Variants in ZNF385C observed in about 807,000 individuals in gnomAD.
The protein encoded by ZNF385C is zinc finger protein 385C.
A neutral mutation model predicts 35.4 loss-of-function variants in ZNF385C; 28 were observed. That is an observed-to-expected ratio of 0.79 (90% CI 0.59 to 1.08). The LOEUF is 1.08. Among genes scored for constraint, ZNF385C ranks in the 50% least tolerant of loss-of-function variants. ZNF385C has a pLI of 0.00. For missense variants in ZNF385C, 605 were observed against 595.6 expected (o/e 1.02, Z -0.16); for synonymous variants, 248 against 248.2 (o/e 1.00, Z 0.01).
At chr17:42,094,015 C>A (rs1202834666) in intron 1 of ZNF385C, among the ~76,000 whole-genome samples, 1 of 145,502 alleles carries the variant, frequency 6.9e-6, no homozygotes, top group Non-Finnish European at 1.5e-5. Flanking sequence ...TGGAGTTTCA[C>A]ATTTGTTGCC....
chr17:42,034,164 G>A (rs958030071), intron 4 of ZNF385C, 61 bp downstream of exon 4: 4 of 1,358,574 alleles, frequency 2.9e-6, no homozygotes, highest in Non-Finnish European at 4.1e-6. Context: ...TGAAAGCCCA[G>A]CCTCCAGCCC....
chr17:42,076,088 C>T (rs1480617541), intron 1 of ZNF385C, among the ~76,000 whole-genome samples: 1 of 152,166 alleles, frequency 6.6e-6, no homozygotes, highest in African/African-American at 2.4e-5. Flanking sequence ...TTCTGCTTAG[C>T]CTATTGAAAT....
At chr17:42,060,249 T>C (rs1443294370) in intron 2 of ZNF385C, among the ~76,000 whole-genome samples, 1 of 152,162 alleles carries the variant, frequency 6.6e-6, no homozygotes, top group Non-Finnish European at 1.5e-5. Flanking sequence ...TCTTGACAGT[T>C]CTGCTAAAGA....
chr17:42,052,869 C>T (rs782622302), intron 2 of ZNF385C, among the ~76,000 whole-genome samples: 1 of 152,224 alleles, frequency 6.6e-6, no homozygotes. Context: ...CCCCCTACCC[C>T]CAAGTCACGG....
chr17:42,038,790 A>G (rs1410214243), intron 2 of ZNF385C: 1 of 152,220 alleles, frequency 6.6e-6, no homozygotes, highest in African/African-American at 2.4e-5. Context: ...GAGGCTGCCT[A>G]TTGGTGAGGA....
rs1254720884 is a variant in ZNF385C, at chr17:42,025,843, C to G, written c.*1054G>C. The G allele has an allele frequency of 6.6e-6, 1 of 152,208 alleles. No homozygotes were observed. Among genetic ancestry groups the G allele is most frequent in the Non-Finnish European group, 1.5e-5 (1 of 68,058 alleles). The allele number at this position is 152,208 out of a possible 1,614,324, so 9.4% of individuals were successfully genotyped here. A position where few individuals can be genotyped will look rare whatever the true frequency, so the allele number is the denominator to read the frequency against. On this transcript the variant is annotated 3_prime_UTR_variant, in exon 9 of 9. Transcript: ENST00000692273. ...GTGCATGTGAGACTGCCTCCCAACA[C>G]TCAGCTTCACAGTGGCAGGGGCTGG...
chr17:42,034,082 C>T (rs1013482736), intron 4 of ZNF385C, 143 bp downstream of exon 4: 8 of 689,940 alleles, frequency 1.2e-5, no homozygotes, highest in Admixed American at 6.6e-5. Context: ...ACCAAGAGTG[C>T]CTCTTCTGCA....
At chr17:42,064,903 A>G (rs1339154912) in intron 1 of ZNF385C, among the ~76,000 whole-genome samples, 1 of 152,156 alleles carries the variant, frequency 6.6e-6, no homozygotes, top group Admixed American at 6.6e-5. Flanking sequence ...GTTGGAGTGC[A>G]GTGGCACAAT....
chr17:42,096,453 C>A (rs978516823), intron 1 of ZNF385C, among the ~76,000 whole-genome samples: 2 of 152,142 alleles, frequency 1.3e-5, no homozygotes, highest in Admixed American at 6.5e-5. Flanking sequence ...CCTTTGAAAG[C>A]CCCCAGCTTA....
Position 42,098,471 on chromosome 17 carries a change from T to C in ZNF385C, c.-64A>G. ...CTCTCGCCTGGCTGGGAACGCTGCG[T>C]GTGGGGCTGGCTGGGAGGGGCGGGG... On this transcript the variant is annotated 5_prime_UTR_variant, in exon 1 of 9. Coordinates refer to ENST00000692273, the MANE Select transcript of ZNF385C (RefSeq NM_001392013.1). 6.9e-6 allele frequency: 1 copy of C among 144,002 alleles called. No individual in the cohort carries two copies. Among genetic ancestry groups the C allele is most frequent in the Non-Finnish European group, 1.5e-5 (1 of 65,558 alleles). The allele number at this position is 144,002 out of a possible 1,614,324, so 8.9% of individuals were successfully genotyped here. A position where few individuals can be genotyped will look rare whatever the true frequency, so the allele number is the denominator to read the frequency against.
At chr17:42,030,868 A>G (rs376643223) in intron 5 of ZNF385C, among the ~76,000 whole-genome samples, 14 of 152,268 alleles carry the variant, frequency 9.2e-5, no homozygotes, top group African/African-American at 3.4e-4. Context: ...TCTATAAGCC[A>G]AGGAGTGCCA....
chr17:42,098,287 T>G (rs1285456091), intron 1 of ZNF385C, 123 bp downstream of exon 1: 1 of 152,284 alleles, frequency 6.6e-6, no homozygotes, highest in Non-Finnish European at 1.5e-5. Context: ...AGGGATATCC[T>G]CACTGTCCCT....
chr17:42,071,689 C>A (rs2053625951), intron 1 of ZNF385C, among the ~76,000 whole-genome samples: 1 of 152,218 alleles, frequency 6.6e-6, no homozygotes, highest in Non-Finnish European at 1.5e-5. Context: ...TGTTCACACT[C>A]AGCAGGCAGA....
rs529297227 is a variant in ZNF385C, at chr17:42,064,488, T to C, written c.-2-1430A>G. Among the ~76,000 whole-genome samples the C allele has an allele frequency of 2.8e-4, 42 of 152,338 alleles. 1 individual carries two copies. The South Asian group carries it at 8.7e-3, about 32-fold the overall frequency. Reference sequence around the variant, plus strand: ...CCCAGTACCTTAGAAAGTAACTCTATTTGGAGATGGGGTCTTCAAAGAGGT... The same window carrying C: ...CCCAGTACCTTAGAAAGTAACTCTACTTGGAGATGGGGTCTTCAAAGAGGT... On this transcript the variant is annotated intron_variant, in intron 1 of 8. Coordinates refer to ENST00000692273, the MANE Select transcript of ZNF385C (RefSeq NM_001392013.1).
chr17:42,027,800 C>CT (rs2052627815), intron 7 of ZNF385C, 72 bp from the exon 8 acceptor site: 6 of 1,469,618 alleles, frequency 4.1e-6, no homozygotes, highest in Non-Finnish European at 4.7e-6. Context: ...ATCCTCGACT[C>CT]TTCCCCTTCC....
intron 5 of ZNF385C, 52 bp from the exon 6 acceptor site, chr17:42,029,125 A>G: frequency 2.0e-6 from 3 of 1,511,756 alleles, no homozygotes; most frequent in Admixed American, 2.0e-5. Flanking sequence ...GCAGACCACG[A>G]TCTTCAGCTC....
intron 2 of ZNF385C, among the ~76,000 whole-genome samples, chr17:42,041,429 G>A (rs1009085500): frequency 1.3e-5 from 2 of 152,000 alleles, no homozygotes; most frequent in Non-Finnish European, 2.9e-5. Flanking sequence ...CTCCCACCCC[G>A]GCCTCCCACC....
At chr17:42,093,510 G>C (rs1398009333) in intron 1 of ZNF385C, among the ~76,000 whole-genome samples, 1 of 152,020 alleles carries the variant, frequency 6.6e-6, no homozygotes, top group Non-Finnish European at 1.5e-5. Context: ...CGAAACCCCG[G>C]AGTTCTCAAC....
At chr17:42,048,019 G>T (rs535209159) in intron 2 of ZNF385C, among the ~76,000 whole-genome samples, 2 of 152,076 alleles carry the variant, frequency 1.3e-5, no homozygotes, top group South Asian at 4.2e-4. Flanking sequence ...TTTTCTCTTG[G>T]CTTCTAGGAT....
Sources: allele counts gnomAD v4.1 joint callset (sites outside exome capture counted in the v4.1 genomes callset), GRCh38; gene constraint gnomAD v4.1.1; transcripts MANE v1.5; gene names NCBI Gene and HGNC (gene_info 2026-07-23, HGNC 2026-07-21).